MEF2C: variants seen among roughly 807,000 people sequenced by gnomAD.
MEF2C encodes the protein myocyte enhancer factor 2C.
In MEF2C, 6 loss-of-function variants were observed where a neutral mutation model predicts 50.5. The ratio of observed to expected loss-of-function variants is 0.12; its 90% CI spans 0.07 to 0.23. The LOEUF (loss-of-function observed/expected upper bound fraction) is 0.23. MEF2C is among the 10% of genes least tolerant of loss of function. The probability of loss-of-function intolerance (pLI) is 1.00; values close to 1 mark genes in which losing one functional copy is unlikely to be tolerated. For synonymous variants in MEF2C, 183 were observed against 228.0 expected (o/e 0.80, Z 1.78); for missense variants, 276 against 605.0 (o/e 0.46, Z 5.70).
intron 6 of MEF2C, among the ~76,000 whole-genome samples, chr5:88,747,337 T>TAATGACTTTCAGAACCAC (rs1561795206): frequency 3.6e-5 from 1 of 27,664 alleles, no homozygotes; most frequent in African/African-American, 7.8e-5. Context: ...TTACTACTTT[T>TAATGACTTTCAGAACCAC]TTTTTTTTTT....
chr5:88,836,590 A>T (rs1040350262), intron 1 of MEF2C, among the ~76,000 whole-genome samples: 1 of 152,184 alleles, frequency 6.6e-6, no homozygotes, highest in African/African-American at 2.4e-5. Context: ...CATACAATCC[A>T]GGCAGGGCAA....
intron 2 of MEF2C, among the ~76,000 whole-genome samples, chr5:88,812,655 G>C (rs1242702516): frequency 1.3e-5 from 2 of 151,906 alleles, no homozygotes; most frequent in East Asian, 3.9e-4. Flanking sequence ...CCCTACATTC[G>C]ACAGTATCTC....
chr5:88,746,179 A>G (rs1439636716), intron 6 of MEF2C, among the ~76,000 whole-genome samples: 1 of 152,214 alleles, frequency 6.6e-6, no homozygotes, highest in Non-Finnish European at 1.5e-5. Context: ...TTAAGGTTTT[A>G]AGAAAGAACA....
intron 4 of MEF2C, among the ~76,000 whole-genome samples, chr5:88,756,383 C>T (rs1483004450): frequency 6.6e-6 from 1 of 152,150 alleles, no homozygotes; most frequent in African/African-American, 2.4e-5. Flanking sequence ...TTGTTTAGCT[C>T]CCACTTCTAA....
chr5:88,749,288 A>G (rs928055569), intron 5 of MEF2C, 171 bp from the exon 6 acceptor site: 2 of 953,078 alleles, frequency 2.1e-6, no homozygotes, highest in Non-Finnish European at 2.5e-6. Flanking sequence ...CTGTGCTCAA[A>G]CGTTAAAAAT....
chr5:88,735,367 T>G, intron 6 of MEF2C: 1 of 985,380 alleles, frequency 1.0e-6, no homozygotes, highest in Non-Finnish European at 1.2e-6. Context: ...TGTTTTAAAA[T>G]TACCCTCTGC....
chr5:88,875,847 G>A (rs1008117939), intron 1 of MEF2C, among the ~76,000 whole-genome samples: 3 of 151,844 alleles, frequency 2.0e-5, no homozygotes, highest in Non-Finnish European at 4.4e-5. Context: ...TTATGATGTG[G>A]CACTGTGCAC....
chr5:88,799,415 A>G (rs567248267), intron 3 of MEF2C, among the ~76,000 whole-genome samples: 1 of 152,376 alleles, frequency 6.6e-6, no homozygotes, highest in South Asian at 2.1e-4. Context: ...GTATAAAATT[A>G]GAAGCTAATT....
intron 7 of MEF2C, 145 bp from the exon 8 acceptor site, chr5:88,730,379 T>C (rs1760922019): frequency 1.2e-6 from 1 of 860,838 alleles, no homozygotes; most frequent in Non-Finnish European, 1.9e-6. Context: ...AGATAACTCC[T>C]TACAAAGACA....
Position 88,776,789 on chromosome 5 carries a change from C to T in MEF2C, c.259-15461G>A, listed in dbSNP as rs1201693591. ...GAACTCATCTCTCATCATATGGGCT[C>T]AGCACTTTATGATCTAACATAAAGC... On this transcript the variant is annotated intron_variant, in intron 3 of 10. Transcript: ENST00000504921. Among the ~76,000 whole-genome samples, 6 of 152,160 alleles carry T rather than the reference C, an allele frequency of 3.9e-5. No homozygotes were observed. The East Asian group carries it at 1.2e-3, about 29-fold the overall frequency.
chr5:88,838,786 T>C, intron 1 of MEF2C: 2 of 946,610 alleles, frequency 2.1e-6, no homozygotes, highest in South Asian at 4.9e-5. Flanking sequence ...CAAATTATGG[T>C]CTACTACAAA....
intron 1 of MEF2C, among the ~76,000 whole-genome samples, chr5:88,877,329 T>C (rs1235912913): frequency 6.6e-6 from 1 of 152,034 alleles, no homozygotes; most frequent in African/African-American, 2.4e-5. Flanking sequence ...AATGACAATG[T>C]ACAGCAAATG....
chr5:88,831,071 T>A (rs949324741), intron 1 of MEF2C, among the ~76,000 whole-genome samples: 4 of 152,094 alleles, frequency 2.6e-5, no homozygotes, highest in Non-Finnish European at 4.4e-5. Flanking sequence ...ATGACCCTGT[T>A]AGAAAAAAAT....
intron 3 of MEF2C, among the ~76,000 whole-genome samples, chr5:88,790,779 T>C (rs1458335513): frequency 1.3e-5 from 2 of 152,236 alleles, no homozygotes; most frequent in Admixed American, 6.5e-5. Context: ...TAAGTTGATA[T>C]ATATTGAATG....
chr5:88,863,782 C>T (rs1007881575), intron 1 of MEF2C, among the ~76,000 whole-genome samples: 2 of 151,358 alleles, frequency 1.3e-5, no homozygotes, highest in Non-Finnish European at 2.9e-5. Context: ...AACGTAATGT[C>T]TTTTAGGTTC....
At chr5:88,803,719 C>T (rs1406126665) in intron 3 of MEF2C, among the ~76,000 whole-genome samples, 1 of 151,998 alleles carries the variant, frequency 6.6e-6, no homozygotes, top group Non-Finnish European at 1.5e-5. Flanking sequence ...AGGATCGATG[C>T]TGAAAAGGTT....
chr5:88,895,949 C>T (rs1374632861), intron 1 of MEF2C, among the ~76,000 whole-genome samples: 1 of 152,100 alleles, frequency 6.6e-6, no homozygotes, highest in Non-Finnish European at 1.5e-5. Flanking sequence ...ATTCATAATC[C>T]AAAGGAGTAT....
At chr5:88,846,414 A>C (rs745905742) in intron 1 of MEF2C, among the ~76,000 whole-genome samples, 1 of 152,196 alleles carries the variant, frequency 6.6e-6, no homozygotes, top group African/African-American at 2.4e-5. Flanking sequence ...GCATTTCCCT[A>C]TAATGACAGA....
At chr5:88,795,833 CG>C (rs1795806352) in intron 3 of MEF2C, among the ~76,000 whole-genome samples, 3 of 152,038 alleles carry the variant, frequency 2.0e-5, no homozygotes, top group Non-Finnish European at 4.4e-5. Context: ...TAGTTTATTG[CG>C]AGTTTTTAGC....
Sources: gnomAD v4.1 joint callset for allele counts (sites outside exome capture counted in the v4.1 genomes callset) on GRCh38, gnomAD v4.1.1 for gene constraint, MANE v1.5 for transcripts, NCBI Gene and HGNC (gene_info 2026-07-23, HGNC 2026-07-21) for gene names.